Variants in RGMA observed in about 807,000 individuals in gnomAD.
The protein encoded by RGMA is repulsive guidance molecule A.
A neutral mutation model predicts 23.2 loss-of-function variants in RGMA; 10 were observed. The ratio of observed to expected loss-of-function variants is 0.43; its 90% CI spans 0.27 to 0.73. The LOEUF (loss-of-function observed/expected upper bound fraction) is 0.73, where lower values mean the gene tolerates loss of function less well. Ranked by LOEUF, RGMA falls within the 30% of genes least tolerant of loss-of-function variation. The pLI is 0.20. For missense variants in RGMA, 547 were observed against 630.5 expected (o/e 0.87, Z 1.42); for synonymous variants, 308 against 279.3 (o/e 1.10, Z -1.03).
At chr15:93,053,396 G>A (rs2054960672) in intron 2 of RGMA, among the ~76,000 whole-genome samples, 1 of 152,154 alleles carries the variant, frequency 6.6e-6, no homozygotes, top group Non-Finnish European at 1.5e-5. Context: ...TTCCTACATG[G>A]GTTCCAGGAG....
At position 93,045,319 on chromosome 15, in the gene RGMA, G is replaced by A. The variant is rs369347921; in HGVS notation, c.1032C>T (p.Ala344=). 132 of 1,611,906 alleles carry A rather than the reference G, an allele frequency of 8.2e-5. No individual in the cohort carries two copies. The highest frequency in any genetic ancestry group is 1.5e-4 in the African/African-American group (11 of 74,830). The change falls in exon 4 of 4, where the codon GCC becomes GCT. Residue 344 remains alanine (A), a synonymous_variant. Transcript: ENST00000329082. The surrounding 1 kb of genome is among the most constrained non-coding windows in gnomAD (Gnocchi z 6.9). ...AEGTGARRLA[A]ASPAPTAPET... is the part of the protein sequence containing the mutation. Reference sequence around the variant, plus strand: ...CGGGGGCTGTGGGTGCAGGGCTGGCGGCTGCCAGCCTGCGGGCACCGGTGC... The same window carrying A: ...CGGGGGCTGTGGGTGCAGGGCTGGCAGCTGCCAGCCTGCGGGCACCGGTGC...
In RGMA at chr15:93,041,789, T is replaced by G. The variant is rs2054727187; in HGVS notation, c.*3209A>C. The stretch of plus-strand genomic sequence containing the variant: ...GGAAGATGCTGGGTACGTTTTGTCC[T>G]TTCCAGTCTGGTTCCTGCCTCCCAA... On this transcript the variant is annotated 3_prime_UTR_variant, in exon 4 of 4. Coordinates refer to ENST00000329082, the MANE Select transcript of RGMA (RefSeq NM_020211.3). 6.6e-6 allele frequency: 1 copy of G among 152,298 alleles called. No individual in the cohort carries two copies. The highest frequency in any genetic ancestry group is 1.5e-5 in the Non-Finnish European group (1 of 68,146). 9.4% of individuals were successfully genotyped at this position (152,298 alleles called of 1,614,324 possible).
At chr15:93,050,996 G>A (rs74494854) in intron 3 of RGMA, among the ~76,000 whole-genome samples, 5,161 of 152,296 alleles carry the variant, frequency 0.034, 120 homozygotes, top group Middle Eastern at 0.054. Context: ...AGGGCTGCGG[G>A]GGCACAGGGT....
Position 93,053,073 on chromosome 15 carries a change from A to G in RGMA, c.131-566T>C, listed in dbSNP as rs146533038. On this transcript the variant is annotated intron_variant, in intron 2 of 3. Coordinates refer to ENST00000329082, the MANE Select transcript of RGMA (RefSeq NM_020211.3). ...CCCCAGCATTCACGGCCAAAACTCAATGAACGTCGCCTGGTATGAGTGCTC... is the reference window on the plus strand; with the variant it reads ...CCCCAGCATTCACGGCCAAAACTCAGTGAACGTCGCCTGGTATGAGTGCTC... Among the ~76,000 whole-genome samples the G allele has an allele frequency of 3.9e-5, 6 of 152,322 alleles. No homozygotes were observed. The East Asian group carries it at 9.7e-4, about 25-fold the overall frequency.
chr15:93,073,217 C>A, intron 1 of RGMA, 186 bp from the exon 2 acceptor site: 1 of 1,145,524 alleles, frequency 8.7e-7, no homozygotes, highest in Non-Finnish European at 1.1e-6. Flanking sequence ...CTCGGTTCTC[C>A]GCCAATGTCG....
At chr15:93,056,527 CCACT>C (rs2141818510) in intron 2 of RGMA, among the ~76,000 whole-genome samples, 1 of 152,326 alleles carries the variant, frequency 6.6e-6, no homozygotes, top group South Asian at 2.1e-4. Context: ...TGTCTGCCTG[CCACT>C]CAAAGATGGT....
chr15:93,058,196 G>C (rs1469356201), intron 2 of RGMA, among the ~76,000 whole-genome samples: 1 of 152,236 alleles, frequency 6.6e-6, no homozygotes, highest in Non-Finnish European at 1.5e-5. Flanking sequence ...GAACTGGAGA[G>C]AATTCAGGGT....
intron 2 of RGMA, among the ~76,000 whole-genome samples, chr15:93,069,424 T>C (rs549328009): frequency 1.3e-5 from 2 of 152,220 alleles, no homozygotes; most frequent in Non-Finnish European, 2.9e-5. Context: ...CATTTTTGAA[T>C]AGCAGCTCTG....
chr15:93,062,314 G>C (rs965682019), intron 2 of RGMA, among the ~76,000 whole-genome samples: 16 of 152,184 alleles, frequency 1.1e-4, no homozygotes, highest in African/African-American at 3.9e-4. Context: ...TAAACTTCTA[G>C]AATACAAAGC....
intron 1 of RGMA, among the ~76,000 whole-genome samples, chr15:93,085,691 G>C (rs1895625032): frequency 6.6e-6 from 1 of 152,160 alleles, no homozygotes; most frequent in African/African-American, 2.4e-5. Flanking sequence ...AAAGACATTT[G>C]CATTTATTTT....
rs2141776934 is a variant in RGMA, at chr15:93,038,570, T to TTTTTTTA, written c.*6427_*6428insTAAAAAA. 1.2e-5 allele frequency: 1 copy of TTTTTTTA among 80,926 alleles called. No individual in the cohort carries two copies. The highest frequency in any genetic ancestry group is 2.2e-5 in the Non-Finnish European group (1 of 45,052). The allele number at this position is 80,926 out of a possible 1,614,324, so 5.0% of individuals were successfully genotyped here. ...CCTTAATGAACGAAACTGTTAGTTG[T>TTTTTTTA]TTTTTTTTTTTTTTTGAGACGGTGT... On this transcript the variant is annotated 3_prime_UTR_variant, in exon 4 of 4. Transcript: ENST00000329082.
Position 93,051,984 on chromosome 15 carries a change from C to T in RGMA, c.645+9G>A. On this transcript the variant is annotated intron_variant, in intron 3 of 3. Coordinates refer to ENST00000329082, the MANE Select transcript of RGMA (RefSeq NM_020211.3). ...GGGCTGTGCCCTACAGCCGCCCCCT[C>T]CCCCTTACCTTGCTGGTGGCAGTGG... is the stretch of plus-strand genomic sequence containing the variant. The T allele has an allele frequency of 5.0e-6, 8 of 1,587,856 alleles. No individual in the cohort carries two copies. Among genetic ancestry groups the T allele is most frequent in the Non-Finnish European group, 6.8e-6 (8 of 1,169,142 alleles).
At chr15:93,066,101 G>T in intron 2 of RGMA, 1 of 1,449,518 alleles carries the variant, frequency 6.9e-7, no homozygotes, top group Non-Finnish European at 9.7e-7. Flanking sequence ...CGAAACTTAC[G>T]TAGGTTGGGG....
At chr15:93,059,022 C>CCT (rs10630191) in intron 2 of RGMA, among the ~76,000 whole-genome samples, 97,056 of 151,810 alleles carry the variant, frequency 0.64, 31,231 homozygotes, top group East Asian at 0.84. Context: ...TCGCTACTGC[C>CCT]GATTAGAGGG....
chr15:93,063,210 C>T (rs946351798), intron 2 of RGMA: 1 of 152,344 alleles, frequency 6.6e-6, no homozygotes, highest in Admixed American at 6.5e-5. Flanking sequence ...TCAGACCTCC[C>T]ATGTCCCTTT....
chr15:93,073,447 C>T (rs1895407899), intron 1 of RGMA: 3 of 945,296 alleles, frequency 3.2e-6, no homozygotes, highest in Non-Finnish European at 4.6e-6. Context: ...GCAAACCAGG[C>T]CCAGCACCCT....
intron 1 of RGMA, among the ~76,000 whole-genome samples, chr15:93,075,540 T>C (rs1330666664): frequency 3.3e-5 from 5 of 152,176 alleles, no homozygotes; most frequent in East Asian, 1.9e-4. Flanking sequence ...TGAAAAATCA[T>C]AGTGAAGTTT....
chr15:93,079,193 T>C (rs1895519408), intron 1 of RGMA, among the ~76,000 whole-genome samples: 1 of 152,272 alleles, frequency 6.6e-6, no homozygotes, highest in Non-Finnish European at 1.5e-5. Flanking sequence ...TCCAGAAAAG[T>C]ACCTGTTTAT....
chr15:93,086,869 G>C (rs1433709884), intron 1 of RGMA, among the ~76,000 whole-genome samples: 1 of 152,198 alleles, frequency 6.6e-6, no homozygotes, highest in East Asian at 1.9e-4. Context: ...GAGGAGGTTT[G>C]TAAAAAGAGA....
Sources: allele counts gnomAD v4.1 joint callset (sites outside exome capture counted in the v4.1 genomes callset), GRCh38; gene constraint gnomAD v4.1.1; non-coding constraint Gnocchi (gnomAD v3.1); transcripts MANE v1.5; gene names NCBI Gene and HGNC (gene_info 2026-07-23, HGNC 2026-07-21).